The following XIRP2 variants were observed in gnomAD, a reference collection of about 807,000 sequenced individuals.
XIRP2 encodes the protein xin actin-binding repeat-containing protein 2.
Under a neutral mutation model 277.0 loss-of-function variants are expected in XIRP2, and 236 were observed. The observed-to-expected ratio is 0.85, with a 90% CI of 0.77 to 0.95. XIRP2 has a LOEUF of 0.95. Ranked by LOEUF, XIRP2 falls within the 40% of genes least tolerant of loss-of-function variation. The pLI is 0.00. For missense variants in XIRP2, 4,640 were observed against 4,157.5 expected, an observed-to-expected ratio of 1.12 and a Z score of -3.19; for synonymous variants, 1,490 against 1,416.5, an observed-to-expected ratio of 1.05 and a Z score of -1.17.
At chr2:166,967,712 C>T (rs190583733) in intron 2 of XIRP2, among the ~76,000 whole-genome samples, 1 of 152,068 alleles carries the variant, frequency 6.6e-6, no homozygotes, top group East Asian at 1.9e-4. Context: ...ATCAGTAAAA[C>T]ATTGAATGTC....
rs550810221 is a variant in XIRP2, at chr2:167,033,260, G to A, written c.409-102649G>A. Among the ~76,000 whole-genome samples, 18 of 152,100 alleles carry A rather than the reference G, an allele frequency of 1.2e-4. No individual in the cohort carries two copies. In the East Asian group the frequency reaches 3.3e-3, roughly 28 times the overall value. Reference sequence around the variant, plus strand: ...AACAATGAGAACACATAGACACATGGAGGGGGACATCACACACTGGGCCTG... The same window carrying A: ...AACAATGAGAACACATAGACACATGAAGGGGGACATCACACACTGGGCCTG... On this transcript the variant is annotated intron_variant, in intron 2 of 10. Coordinates refer to ENST00000409195, the MANE Select transcript of XIRP2 (RefSeq NM_152381.6).
At chr2:166,891,404 C>T (rs1684101389) in intron 1 of XIRP2, among the ~76,000 whole-genome samples, 1 of 152,058 alleles carries the variant, frequency 6.6e-6, no homozygotes, top group Non-Finnish European at 1.5e-5. Context: ...ACTATGTTAG[C>T]TACATTTTTG....
chr2:167,110,726 G>T lies in XIRP2; in HGVS notation c.409-25183G>T, dbSNP rs544789166. 5.9e-5 allele frequency among the ~76,000 whole-genome samples: 9 copies of T among 152,208 alleles called. No homozygotes were observed. The South Asian group carries it at 1.9e-3, about 32-fold the overall frequency. ...CTGTGAAGAATGTGTTTGGCAGTTTGATAGGAATATCACTGAATCTGTACA... is the reference window on the plus strand; with the variant it reads ...CTGTGAAGAATGTGTTTGGCAGTTTTATAGGAATATCACTGAATCTGTACA... On this transcript the variant is annotated intron_variant, in intron 2 of 10. Transcript: ENST00000409195.
At chr2:167,189,372 G>A (rs1388828487) in intron 3 of XIRP2, among the ~76,000 whole-genome samples, 5 of 152,134 alleles carry the variant, frequency 3.3e-5, no homozygotes, top group African/African-American at 9.7e-5. Flanking sequence ...TTATAGAACA[G>A]GGCAGACACT....
intron 3 of XIRP2, 78 bp from the exon 4 acceptor site, chr2:167,210,657 C>G (rs1693997077): frequency 6.5e-7 from 1 of 1,529,870 alleles, no homozygotes; most frequent in African/African-American, 1.4e-5. Context: ...ATTTTAAATG[C>G]TTCACCATTT....
chr2:167,152,869 C>T (rs73017977), intron 3 of XIRP2, among the ~76,000 whole-genome samples: 15,036 of 152,118 alleles, frequency 0.099, 801 homozygotes, highest in South Asian at 0.15. Context: ...GGTGTCTTTT[C>T]TAAAAGGTGG....
chr2:166,939,700 A>AAAAAAAC (rs1685641541), intron 2 of XIRP2, among the ~76,000 whole-genome samples: 3 of 146,616 alleles, frequency 2.0e-5, no homozygotes, highest in South Asian at 2.2e-4. Flanking sequence ...AAAAAAAAAC[A>AAAAAAAC]AAAAACAAAA....
chr2:166,995,135 C>T (rs1687182269), intron 2 of XIRP2, among the ~76,000 whole-genome samples: 1 of 152,132 alleles, frequency 6.6e-6, no homozygotes, highest in Non-Finnish European at 1.5e-5. Flanking sequence ...CCACCTCGGC[C>T]TCCCAAAGTG....
At chr2:166,905,278 T>C (rs1055137313) in intron 2 of XIRP2, among the ~76,000 whole-genome samples, 1 of 151,960 alleles carries the variant, frequency 6.6e-6, no homozygotes. Context: ...CTCTTGACTT[T>C]ACTGTAATAA....
chr2:167,246,047 T>C lies in XIRP2; in HGVS notation c.4655T>C (p.Ile1552Thr). 6.2e-7 allele frequency: 1 copy of C among 1,613,534 alleles called. No homozygotes were observed. The change falls in exon 9 of 11, where the codon ATT (isoleucine) becomes ACT (threonine). Residue 1552 changes from isoleucine to threonine, a missense_variant. Ile to Thr is a moderately conservative substitution (Grantham distance 89). Coordinates refer to ENST00000409195, the MANE Select transcript of XIRP2 (RefSeq NM_152381.6). ...VEKIEIIGKS[I>T]KETLEDLYSQ... is the part of the protein sequence containing the mutation. ...AAGATAGAAATTATTGGCAAGAGCA[T>C]TAAAGAAACCTTAGAAGATCTCTAC...
intron 2 of XIRP2, among the ~76,000 whole-genome samples, chr2:167,067,602 C>A (rs1689329308): frequency 6.6e-6 from 1 of 151,960 alleles, no homozygotes; most frequent in Non-Finnish European, 1.5e-5. Flanking sequence ...TGCAATTATG[C>A]CAGAAAAAAC....
At chr2:167,117,784 T>C (rs547390813) in intron 2 of XIRP2, among the ~76,000 whole-genome samples, 2 of 152,362 alleles carry the variant, frequency 1.3e-5, no homozygotes, top group South Asian at 4.1e-4. Flanking sequence ...TAAAATTTTA[T>C]CATTAAGATG....
At chr2:167,022,525 T>C (rs893532657) in intron 2 of XIRP2, among the ~76,000 whole-genome samples, 4 of 152,160 alleles carry the variant, frequency 2.6e-5, no homozygotes, top group Admixed American at 2.6e-4. Context: ...TGTATACATG[T>C]GCCATGCTGC....
Position 167,033,068 on chromosome 2 carries a change from G to A in XIRP2, c.409-102841G>A, listed in dbSNP as rs994702975. ...CCAAATGCCCATTAATGTTAGACTG[G>A]ATAAAGAAATTGTGACACATATACA... On this transcript the variant is annotated intron_variant, in intron 2 of 10. Coordinates refer to ENST00000409195, the MANE Select transcript of XIRP2 (RefSeq NM_152381.6). 2.6e-5 allele frequency among the ~76,000 whole-genome samples: 4 copies of A among 152,118 alleles called. No homozygotes were observed. The East Asian group carries it at 5.8e-4, about 22-fold the overall frequency.
intron 2 of XIRP2, among the ~76,000 whole-genome samples, chr2:166,997,515 A>G (rs751046211): frequency 4.6e-5 from 7 of 152,162 alleles, no homozygotes; most frequent in Non-Finnish European, 8.8e-5. Flanking sequence ...TATCTCCTCA[A>G]TGAATGTAAA....
intron 3 of XIRP2, among the ~76,000 whole-genome samples, chr2:167,138,730 A>T (rs1335313940): frequency 1.3e-5 from 2 of 152,194 alleles, no homozygotes; most frequent in Admixed American, 6.5e-5. Flanking sequence ...CAAATCAATC[A>T]GTGTAAATGA....
At position 167,023,139 on chromosome 2, in the gene XIRP2, T is replaced by A. The variant is rs530261638; in HGVS notation, c.409-112770T>A. ...CTGTTGTTTCCTGACTTTTTAATGATTGCCATTCTAACTGGTGTGAGATGG... is the reference window on the plus strand; with the variant it reads ...CTGTTGTTTCCTGACTTTTTAATGAATGCCATTCTAACTGGTGTGAGATGG... On this transcript the variant is annotated intron_variant, in intron 2 of 10. Coordinates refer to ENST00000409195, the MANE Select transcript of XIRP2 (RefSeq NM_152381.6). Among the ~76,000 whole-genome samples the A allele has an allele frequency of 9.8e-4, 149 of 152,354 alleles. 2 individuals carry two copies. The East Asian group carries it at 0.027, about 27-fold the overall frequency.
intron 3 of XIRP2, among the ~76,000 whole-genome samples, chr2:167,180,941 A>C (rs892533355): frequency 2.6e-5 from 4 of 152,174 alleles, no homozygotes; most frequent in Non-Finnish European, 4.4e-5. Context: ...ATACTGTGCA[A>C]AGTTGCTGAA....
chr2:166,904,573 A>C (rs1274239588), intron 2 of XIRP2, among the ~76,000 whole-genome samples: 2 of 152,168 alleles, frequency 1.3e-5, no homozygotes, highest in East Asian at 1.9e-4. Context: ...AAATTTAGGA[A>C]ACAGGATTAG....
Sources: gnomAD v4.1 joint callset for allele counts (sites outside exome capture counted in the v4.1 genomes callset) on GRCh38, gnomAD v4.1.1 for gene constraint, MANE v1.5 for transcripts, NCBI Gene and HGNC (gene_info 2026-07-23, HGNC 2026-07-21) for gene names.